Variants in EGF observed in about 807,000 individuals in gnomAD.
The protein encoded by EGF is pro-epidermal growth factor.
In EGF, 95 loss-of-function variants were observed where a neutral mutation model predicts 143.8. The ratio of observed to expected loss-of-function variants is 0.66; its 90% CI spans 0.56 to 0.78. EGF has a LOEUF of 0.78. EGF is among the 30% of genes least tolerant of loss of function. The probability of loss-of-function intolerance (pLI) is 0.00; values close to 1 mark genes in which losing one functional copy is unlikely to be tolerated. For missense variants in EGF, 1,320 were observed against 1,470.9 expected, an observed-to-expected ratio of 0.90 and a Z score of 1.68; for synonymous variants, 510 against 510.5, an observed-to-expected ratio of 1.00 and a Z score of 0.01.
intron 5 of EGF, among the ~76,000 whole-genome samples, chr4:109,947,193 A>G (rs766181754): frequency 6.6e-6 from 1 of 152,042 alleles, no homozygotes; most frequent in African/African-American, 2.4e-5. Context: ...AAAAGTTGTC[A>G]GGTTTTTAAA....
intron 1 of EGF, among the ~76,000 whole-genome samples, chr4:109,937,298 G>A (rs1300651122): frequency 6.7e-6 from 1 of 149,834 alleles, no homozygotes; most frequent in Non-Finnish European, 1.5e-5. Context: ...GGTCTTCTTT[G>A]TCTCTTTTGA....
chr4:109,985,407 T>G (rs1560737999), intron 16 of EGF, among the ~76,000 whole-genome samples: 1 of 152,224 alleles, frequency 6.6e-6, no homozygotes, highest in African/African-American at 2.4e-5. Flanking sequence ...TAATCTAAAA[T>G]TCTTAACGTG....
chr4:109,931,390 G>GGGAAT (rs1332764261), intron 1 of EGF, among the ~76,000 whole-genome samples: 23 of 152,154 alleles, frequency 1.5e-4, no homozygotes, highest in Non-Finnish European at 3.1e-4. Context: ...GGTGCTTTGA[G>GGGAAT]GGAATGGAAT....
intron 21 of EGF, among the ~76,000 whole-genome samples, chr4:110,002,885 G>T (rs999975211): frequency 2.0e-5 from 3 of 152,074 alleles, no homozygotes; most frequent in Non-Finnish European, 2.9e-5. Flanking sequence ...CCATCATTTA[G>T]CTCCCACTTA....
At chr4:109,920,936 C>T (rs1176025455) in intron 1 of EGF, among the ~76,000 whole-genome samples, 1 of 151,638 alleles carries the variant, frequency 6.6e-6, no homozygotes, top group African/African-American at 2.4e-5. Flanking sequence ...ACGGCCATCC[C>T]AGGCCCTTCC....
At chr4:109,983,828 A>G (rs547380992) in intron 16 of EGF, among the ~76,000 whole-genome samples, 43 of 152,344 alleles carry the variant, frequency 2.8e-4, no homozygotes, top group Non-Finnish European at 5.3e-4. Context: ...AGGACAACAT[A>G]TTTGAATGTA....
chr4:109,943,567 GT>G, intron 3 of EGF, 132 bp downstream of exon 3: 1 of 976,622 alleles, frequency 1.0e-6, no homozygotes, highest in South Asian at 1.6e-5. Flanking sequence ...CACAGGCACC[GT>G]TTTCTATAGG....
At chr4:109,980,706 G>A (rs1010629510) in intron 14 of EGF, 120 bp from the exon 15 acceptor site, 11 of 1,105,730 alleles carry the variant, frequency 9.9e-6, no homozygotes, top group Non-Finnish European at 1.4e-5. Context: ...CCTCTATTTA[G>A]ATACACTGCA....
chr4:109,927,381 C>CG (rs1274835039), intron 1 of EGF, among the ~76,000 whole-genome samples: 1 of 151,848 alleles, frequency 6.6e-6, no homozygotes, highest in Non-Finnish European at 1.5e-5. Flanking sequence ...TTTTAACATG[C>CG]GGGGGGACTT....
At chr4:109,998,409 G>A (rs1482870043) in intron 20 of EGF, among the ~76,000 whole-genome samples, 1 of 152,186 alleles carries the variant, frequency 6.6e-6, no homozygotes, top group African/African-American at 2.4e-5. Flanking sequence ...GCATGGTATA[G>A]TGGAAAGAAC....
chr4:109,951,352 C>T (rs996264323), intron 5 of EGF, among the ~76,000 whole-genome samples: 20 of 151,714 alleles, frequency 1.3e-4, no homozygotes, highest in Admixed American at 3.9e-4. Context: ...AGCAAGACTC[C>T]GTCTCAAACC....
intron 1 of EGF, among the ~76,000 whole-genome samples, chr4:109,933,558 G>A (rs937528794): frequency 1.1e-4 from 16 of 151,830 alleles, no homozygotes; most frequent in South Asian, 4.2e-4. Context: ...TTCTCCCAAC[G>A]CTATCCCTCC....
intron 18 of EGF, among the ~76,000 whole-genome samples, chr4:109,989,501 C>T (rs1750637798): frequency 6.6e-6 from 1 of 152,230 alleles, no homozygotes; most frequent in South Asian, 2.1e-4. Context: ...ACTGCTTTCT[C>T]CCACTTGCTA....
chr4:109,945,955 G>T (rs187867640), intron 5 of EGF, among the ~76,000 whole-genome samples: 1 of 152,124 alleles, frequency 6.6e-6, no homozygotes, highest in Non-Finnish European at 1.5e-5. Context: ...TATGTCTTGC[G>T]TTTAGGCAAA....
chr4:109,990,342 C>A (rs1333240923), intron 18 of EGF, among the ~76,000 whole-genome samples: 1 of 152,120 alleles, frequency 6.6e-6, no homozygotes, highest in African/African-American at 2.4e-5. Flanking sequence ...GTAAAAACCA[C>A]AATGAAAGTT....
In EGF at chr4:109,999,711, A is replaced by G. The variant is rs2126173708; in HGVS notation, c.3038A>G (p.Gln1013Arg). The G allele has an allele frequency of 6.2e-7, 1 of 1,614,128 alleles. No homozygotes were observed. The highest frequency in any genetic ancestry group is 8.5e-7 in the Non-Finnish European group (1 of 1,180,014). ...GTTGGCTACATCGGGGAGCGATGTC[A>G]GTACCGAGACCTGAAGTGGTGGGAA... ...CVVGYIGERC[Q>R]YRDLKWWELR... The change falls in exon 21 of 24, where the codon CAG (glutamine) becomes CGG (arginine). Residue 1013 changes from glutamine to arginine, a missense_variant. Around this residue, in one of 5 missense-constraint regions of EGF, gnomAD observed 1,186 missense variants for 1,313.7 expected, o/e 0.90. Coordinates refer to ENST00000265171, the MANE Select transcript of EGF (RefSeq NM_001963.6).
chr4:109,967,444 C>A lies in EGF; in HGVS notation c.1576-1527C>A, dbSNP rs192276072. Among the ~76,000 whole-genome samples, 21 of 152,214 alleles carry A rather than the reference C, an allele frequency of 1.4e-4. No homozygotes were observed. In the East Asian group the frequency reaches 3.9e-3, roughly 28 times the overall value. On this transcript the variant is annotated intron_variant, in intron 10 of 23. Transcript: ENST00000265171. ...TACCATACTGTTTGGGTTACTACAG[C>A]CTTATAGTATAAAGTCAGGTACTAT...
intron 23 of EGF, among the ~76,000 whole-genome samples, chr4:110,009,423 T>C (rs1753726759): frequency 6.6e-6 from 1 of 152,158 alleles, no homozygotes; most frequent in Non-Finnish European, 1.5e-5. Flanking sequence ...CTTACAATGG[T>C]AACCCACTAT....
At chr4:109,941,865 G>T (rs1037628861) in intron 2 of EGF, among the ~76,000 whole-genome samples, 4 of 152,114 alleles carry the variant, frequency 2.6e-5, no homozygotes, top group African/African-American at 9.7e-5. Flanking sequence ...TTTCTTTTTA[G>T]CTGGTAGAAC....
Sources: allele counts gnomAD v4.1 joint callset (sites outside exome capture counted in the v4.1 genomes callset), GRCh38; gene constraint gnomAD v4.1.1; regional missense constraint gnomAD v4.1.1; transcripts MANE v1.5; gene names NCBI Gene and HGNC (gene_info 2026-07-23, HGNC 2026-07-21).